CHCHD3: variants seen among roughly 807,000 people sequenced by gnomAD.
CHCHD3 encodes the protein coiled-coil-helix-coiled-coil-helix domain containing 3, also known as MICOS complex subunit MIC19.
A neutral mutation model predicts 38.2 loss-of-function variants in CHCHD3; 20 were observed. The observed-to-expected ratio is 0.52, with a 90% CI of 0.37 to 0.76. The LOEUF is 0.76. Ranked by LOEUF, CHCHD3 falls within the 30% of genes least tolerant of loss-of-function variation. CHCHD3 has a pLI of 0.00. For missense variants in CHCHD3, 245 were observed against 279.2 expected (o/e 0.88, Z 0.87); for synonymous variants, 82 against 100.0 (o/e 0.82, Z 1.07).
chr7:132,836,411 C>T (rs748516986), intron 6 of CHCHD3, among the ~76,000 whole-genome samples: 8 of 152,110 alleles, frequency 5.3e-5, no homozygotes, highest in Non-Finnish European at 1.0e-4. Context: ...TGAGCCATCA[C>T]GCCTGGCGCC....
chr7:132,940,120 T>C (rs1810728080), intron 4 of CHCHD3, among the ~76,000 whole-genome samples: 1 of 152,198 alleles, frequency 6.6e-6, no homozygotes, highest in South Asian at 2.1e-4. Context: ...AATTTGAATG[T>C]GTTACAAATA....
intron 5 of CHCHD3, among the ~76,000 whole-genome samples, chr7:132,867,119 G>A (rs1808653499): frequency 6.6e-6 from 1 of 152,220 alleles, no homozygotes; most frequent in South Asian, 2.1e-4. Context: ...TCACATTAAT[G>A]AATTGTCAGC....
intron 6 of CHCHD3, among the ~76,000 whole-genome samples, chr7:132,803,286 T>C (rs571257232): frequency 6.6e-6 from 1 of 152,312 alleles, no homozygotes; most frequent in East Asian, 1.9e-4. Flanking sequence ...TGAGACCAAG[T>C]AATCTTAACA....
intron 6 of CHCHD3, among the ~76,000 whole-genome samples, chr7:132,829,379 A>G (rs982548530): frequency 4.6e-5 from 7 of 152,152 alleles, no homozygotes; most frequent in African/African-American, 1.7e-4. Flanking sequence ...TCATATAACC[A>G]TGTAGGGTAT....
intron 4 of CHCHD3, among the ~76,000 whole-genome samples, chr7:132,969,178 G>C (rs1811550080): frequency 1.4e-5 from 2 of 142,226 alleles, no homozygotes. Context: ...TTTCTAAACA[G>C]TATAAGGTTT....
chr7:132,864,356 C>A (rs1417427422), intron 5 of CHCHD3, among the ~76,000 whole-genome samples: 3 of 152,106 alleles, frequency 2.0e-5, no homozygotes, highest in Non-Finnish European at 4.4e-5. Flanking sequence ...TAACAGTTAT[C>A]AATTAAGTTC....
intron 4 of CHCHD3, among the ~76,000 whole-genome samples, chr7:132,939,776 A>G (rs1315040759): frequency 1.3e-5 from 2 of 152,328 alleles, no homozygotes; most frequent in Non-Finnish European, 2.9e-5. Flanking sequence ...CTAGGCGGAA[A>G]ATGCTGGAAA....
At chr7:132,879,926 T>C (rs1809011084) in intron 5 of CHCHD3, among the ~76,000 whole-genome samples, 1 of 152,086 alleles carries the variant, frequency 6.6e-6, no homozygotes, top group Non-Finnish European at 1.5e-5. Context: ...CTTAGGGGTA[T>C]CATGCTGTAA....
intron 4 of CHCHD3, among the ~76,000 whole-genome samples, chr7:132,950,607 G>A (rs538357533): frequency 6.6e-6 from 1 of 152,274 alleles, no homozygotes; most frequent in South Asian, 2.1e-4. Flanking sequence ...GTGGAGTTAA[G>A]GGTGCTGGCA....
intron 4 of CHCHD3, among the ~76,000 whole-genome samples, chr7:132,921,079 C>T (rs1168107896): frequency 6.6e-6 from 1 of 152,008 alleles, no homozygotes; most frequent in Non-Finnish European, 1.5e-5. Flanking sequence ...AAATCACCAC[C>T]AGGAAGAAGC....
chr7:132,972,259 C>A (rs977469148), intron 4 of CHCHD3, among the ~76,000 whole-genome samples: 1 of 152,034 alleles, frequency 6.6e-6, no homozygotes, highest in African/African-American at 2.4e-5. Context: ...CACACAAAAA[C>A]GTATTTATCA....
chr7:132,820,471 A>G (rs1249657069), intron 6 of CHCHD3, among the ~76,000 whole-genome samples: 1 of 152,198 alleles, frequency 6.6e-6, no homozygotes. Context: ...TGGCTTCCGC[A>G]TCCCTTTCTC....
chr7:133,024,707 G>A (rs537538593), intron 2 of CHCHD3, 80 bp from the exon 3 acceptor site: 28 of 1,053,704 alleles, frequency 2.7e-5, no homozygotes, highest in East Asian at 2.4e-4. Flanking sequence ...AGGAAAGCCC[G>A]GCTGAGACTA....
chr7:133,018,875 C>CTTTTTTTTTTTTTTTTTTT (rs5887607), intron 3 of CHCHD3, among the ~76,000 whole-genome samples: 1 of 70,150 alleles, frequency 1.4e-5, no homozygotes, highest in Non-Finnish European at 2.5e-5. Flanking sequence ...CATGATTTCT[C>CTTTTTTTTTTTTTTTTTTT]TTTTTTTTTT....
At chr7:132,884,838 C>T (rs1418237572) in intron 5 of CHCHD3, among the ~76,000 whole-genome samples, 1 of 152,168 alleles carries the variant, frequency 6.6e-6, no homozygotes, top group Non-Finnish European at 1.5e-5. Flanking sequence ...GACTTGACGC[C>T]GTATCTCTTT....
intron 3 of CHCHD3, among the ~76,000 whole-genome samples, chr7:133,001,648 G>T (rs1812575958): frequency 6.6e-6 from 1 of 152,114 alleles, no homozygotes; most frequent in African/African-American, 2.4e-5. Flanking sequence ...AAGAGAAAAA[G>T]CTCATCTAGC....
intron 5 of CHCHD3, among the ~76,000 whole-genome samples, chr7:132,844,701 G>A (rs1808031029): frequency 6.6e-6 from 1 of 152,072 alleles, no homozygotes; most frequent in Admixed American, 6.5e-5. Flanking sequence ...TAGAATGACA[G>A]TACCTCTTAG....
At chr7:132,895,988 T>C (rs143805275) in intron 4 of CHCHD3, among the ~76,000 whole-genome samples, 7 of 152,348 alleles carry the variant, frequency 4.6e-5, no homozygotes, top group African/African-American at 1.7e-4. Flanking sequence ...AAACGGGTCA[T>C]ATGAATCATT....
intron 4 of CHCHD3, among the ~76,000 whole-genome samples, chr7:132,930,635 C>T (rs1810492599): frequency 6.6e-6 from 1 of 152,138 alleles, no homozygotes; most frequent in South Asian, 2.1e-4. Context: ...TTTTGCCCAG[C>T]AACAATTCCA....
Sources: gnomAD v4.1 joint callset for allele counts (sites outside exome capture counted in the v4.1 genomes callset) on GRCh38, gnomAD v4.1.1 for gene constraint, MANE v1.5 for transcripts, NCBI Gene and HGNC (gene_info 2026-07-23, HGNC 2026-07-21) for gene names.